PDE3A: variants seen among roughly 807,000 people sequenced by gnomAD.
PDE3A encodes phosphodiesterase 3A, also known as cGMP-inhibited 3',5'-cyclic phosphodiesterase 3A.
PDE3A carries 43 observed loss-of-function variants against 98.3 expected under a neutral mutation model. The ratio of observed to expected loss-of-function variants is 0.44; its 90% CI spans 0.34 to 0.56. The LOEUF (loss-of-function observed/expected upper bound fraction) is 0.56, where lower values mean the gene tolerates loss of function less well. PDE3A is among the 20% of genes least tolerant of loss of function. The pLI is 0.01. For missense variants in PDE3A, 1,427 were observed against 1,440.7 expected, an observed-to-expected ratio of 0.99 and a Z score of 0.15; for synonymous variants, 663 against 567.9, an observed-to-expected ratio of 1.17 and a Z score of -2.38.
At chr12:20,671,191 A>G (rs1217519632) in intron 15 of PDE3A, among the ~76,000 whole-genome samples, 9 of 148,056 alleles carry the variant, frequency 6.1e-5, no homozygotes, top group African/African-American at 2.4e-4. Flanking sequence ...AGGATCTGAA[A>G]TTGTGGCAAT....
chr12:20,597,813 G>A lies in PDE3A; in HGVS notation c.1012-15630G>A, dbSNP rs558972627. Among the ~76,000 whole-genome samples the A allele has an allele frequency of 4.4e-4, 67 of 152,224 alleles. 1 individual carries two copies. The highest frequency in any genetic ancestry group is 1.5e-3 in the African/African-American group (64 of 41,532). On this transcript the variant is annotated intron_variant, in intron 2 of 15. Transcript: ENST00000359062. The stretch of plus-strand genomic sequence containing the variant: ...ATTCATTCATCTCTGTAGCCCTAAG[G>A]TGTAGATAGTACCAGGTACCCAATA...
rs1943427778 is a variant in PDE3A at position 20,369,769 on chromosome 12, CGCTGCTGGCCGCCTG to C, written c.486_500del (p.Leu163_Cys167del). On this transcript the variant is annotated inframe_deletion, in exon 1 of 16. Coordinates refer to ENST00000359062, the MANE Select transcript of PDE3A (RefSeq NM_000921.5). Reference sequence around the variant, plus strand: ...GGGGTGCGCCTGCCTCTGGCTGTCGCGCTGCTGGCCGCCTGCTGCGGGGGGGAAGCGCTCGTCCAG... The same window carrying C: ...GGGGTGCGCCTGCCTCTGGCTGTCGCCTGCGGGGGGGAAGCGCTCGTCCAG... The C allele has an allele frequency of 1.9e-6, 3 of 1,612,346 alleles. No individual in the cohort carries two copies. The African/African-American group carries it at 4.0e-5, about 22-fold the overall frequency.
intron 1 of PDE3A, among the ~76,000 whole-genome samples, chr12:20,497,116 A>T (rs1429506465): frequency 6.6e-6 from 1 of 152,186 alleles, no homozygotes; most frequent in East Asian, 1.9e-4. Flanking sequence ...AAATCGCTTT[A>T]ATGAAAACTG....
intron 1 of PDE3A, chr12:20,371,268 G>A (rs10841497): frequency 5.9e-5 from 37 of 627,850 alleles, no homozygotes; most frequent in Admixed American, 2.5e-4. Context: ...AAATGCATAC[G>A]GTGTCTAAAA....
At chr12:20,463,603 G>A (rs955434500) in intron 1 of PDE3A, among the ~76,000 whole-genome samples, 6 of 152,122 alleles carry the variant, frequency 3.9e-5, no homozygotes, top group Non-Finnish European at 8.8e-5. Context: ...AATCTCTAGA[G>A]CTACAAGGAT....
intron 1 of PDE3A, among the ~76,000 whole-genome samples, chr12:20,549,358 A>G (rs1279942486): frequency 6.6e-6 from 1 of 150,856 alleles, no homozygotes; most frequent in Non-Finnish European, 1.5e-5. Context: ...AAGCTCTGAC[A>G]CTATGCAGTC....
intron 1 of PDE3A, among the ~76,000 whole-genome samples, chr12:20,481,050 A>G (rs928299540): frequency 7.2e-5 from 11 of 152,216 alleles, no homozygotes; most frequent in Non-Finnish European, 1.2e-4. Flanking sequence ...GCAGAATTTA[A>G]TTAAAAATTA....
intron 15 of PDE3A, among the ~76,000 whole-genome samples, chr12:20,665,955 ATTTCTTT>A (rs1406422412): frequency 2.3e-4 from 29 of 123,418 alleles, no homozygotes; most frequent in East Asian, 6.8e-4. Context: ...AGTATTTGTC[ATTTCTTT>A]TTTTTTTTTT....
At chr12:20,528,735 A>G (rs1446791273) in intron 1 of PDE3A, among the ~76,000 whole-genome samples, 1 of 152,224 alleles carries the variant, frequency 6.6e-6, no homozygotes, top group Non-Finnish European at 1.5e-5. Context: ...TGCAGAGCAC[A>G]TATTATGACA....
chr12:20,582,736 T>G (rs1943099900), intron 2 of PDE3A, among the ~76,000 whole-genome samples: 1 of 152,146 alleles, frequency 6.6e-6, no homozygotes, highest in African/African-American at 2.4e-5. Context: ...TTTTGTCTAT[T>G]TGTAAATGGA....
At chr12:20,593,684 T>C (rs1042067516) in intron 2 of PDE3A, among the ~76,000 whole-genome samples, 49 of 152,240 alleles carry the variant, frequency 3.2e-4, no homozygotes, top group African/African-American at 1.2e-3. Flanking sequence ...GTGATTTTGG[T>C]TTTAGCCAAG....
At chr12:20,490,459 C>A (rs1009806326) in intron 1 of PDE3A, among the ~76,000 whole-genome samples, 2 of 152,136 alleles carry the variant, frequency 1.3e-5, no homozygotes, top group African/African-American at 4.8e-5. Flanking sequence ...GTTACATGAG[C>A]ACATTGTGTT....
At chr12:20,512,877 A>G (rs1013706655) in intron 1 of PDE3A, among the ~76,000 whole-genome samples, 2 of 152,180 alleles carry the variant, frequency 1.3e-5, no homozygotes, top group African/African-American at 2.4e-5. Context: ...TTATTGTGGT[A>G]ACACCTATCA....
intron 1 of PDE3A, among the ~76,000 whole-genome samples, chr12:20,467,306 C>CT (rs916903953): frequency 4.0e-5 from 5 of 126,322 alleles, no homozygotes; most frequent in Non-Finnish European, 6.9e-5. Flanking sequence ...AATGATGATG[C>CT]TTTTTTTTTG....
At chr12:20,510,775 T>C (rs1206663639) in intron 1 of PDE3A, among the ~76,000 whole-genome samples, 2 of 152,054 alleles carry the variant, frequency 1.3e-5, no homozygotes, top group African/African-American at 2.4e-5. Context: ...GAAGATTCCA[T>C]AATATGTCCT....
chr12:20,638,935 T>C lies in PDE3A; in HGVS notation c.2140-911T>C, dbSNP rs140420384. Reference sequence around the variant, plus strand: ...GCTATGCTACTCTTCTAAAGTCATATAGTAAATATTCAACCCAGGATTCCA... The same window carrying C: ...GCTATGCTACTCTTCTAAAGTCATACAGTAAATATTCAACCCAGGATTCCA... On this transcript the variant is annotated intron_variant, in intron 9 of 15. Transcript: ENST00000359062. Among the ~76,000 whole-genome samples, 422 of 152,234 alleles carry C rather than the reference T, an allele frequency of 2.8e-3. 2 individuals carry two copies. Among genetic ancestry groups the C allele is most frequent in the African/African-American group, 9.5e-3 (395 of 41,558 alleles).
At chr12:20,449,382 CAG>C (rs1257972876) in intron 1 of PDE3A, among the ~76,000 whole-genome samples, 13 of 152,082 alleles carry the variant, frequency 8.5e-5, no homozygotes, top group African/African-American at 2.7e-4. Flanking sequence ...TTTTTCCAAC[CAG>C]AGTTTGTTTC....
At chr12:20,610,237 C>T (rs1020727188) in intron 2 of PDE3A, among the ~76,000 whole-genome samples, 1 of 151,910 alleles carries the variant, frequency 6.6e-6, no homozygotes, top group East Asian at 1.9e-4. Flanking sequence ...GGGCAAAGGA[C>T]ATGAACAGAC....
rs914130863 is a variant in PDE3A, at chr12:20,484,525, A to G, written c.961-72135A>G. On this transcript the variant is annotated intron_variant, in intron 1 of 15. Coordinates refer to ENST00000359062, the MANE Select transcript of PDE3A (RefSeq NM_000921.5). ...GAAAGGGGTTTCTCTGTAGAACACA[A>G]TGTGCTTATTCTTTTTCACTTTAAC... 3.9e-5 allele frequency among the ~76,000 whole-genome samples: 6 copies of G among 152,196 alleles called. No homozygotes were observed. In the South Asian group the frequency reaches 8.3e-4, roughly 21 times the overall value.
Sources: allele counts gnomAD v4.1 joint callset (sites outside exome capture counted in the v4.1 genomes callset), GRCh38; gene constraint gnomAD v4.1.1; transcripts MANE v1.5; gene names NCBI Gene and HGNC (gene_info 2026-07-23, HGNC 2026-07-21).